Variants in PTOV1 observed in about 807,000 individuals in gnomAD.
PTOV1 encodes the protein PTOV1 extended AT-hook containing adaptor protein, also known as prostate tumor-overexpressed gene 1 protein.
Under a neutral mutation model 58.0 loss-of-function variants are expected in PTOV1, and 20 were observed. That is an observed-to-expected ratio of 0.34 (90% CI 0.24 to 0.50). The LOEUF (loss-of-function observed/expected upper bound fraction) is 0.50, where lower values mean the gene tolerates loss of function less well. PTOV1 is among the 20% of genes least tolerant of loss of function. The pLI, the probability that PTOV1 is intolerant of heterozygous loss-of-function variation, is 0.98. For synonymous variants in PTOV1, 335 were observed against 234.2 expected, an observed-to-expected ratio of 1.43 and a Z score of -3.93; for missense variants, 593 against 565.4, an observed-to-expected ratio of 1.05 and a Z score of -0.50.
chr19:49,850,771 T>C, upstream of PTOV1: 3 of 1,357,674 alleles, frequency 2.2e-6, no homozygotes, highest in Middle Eastern at 1.8e-4. Context: ...GTACCCTCAG[T>C]GGGTTCCCTT....
chr19:49,860,716 T>C, exon 12 of PTOV1: 1 of 319,826 alleles, frequency 3.1e-6, no homozygotes, highest in South Asian at 4.9e-5. Flanking sequence ...CCTCTACGTT[T>C]CCCCAATAAA....
intron 7 of PTOV1, 49 bp downstream of exon 7, chr19:49,857,831 CTG>C: frequency 6.2e-7 from 1 of 1,612,664 alleles, no homozygotes; most frequent in African/African-American, 1.3e-5. Context: ...TCCTCACGGA[CTG>C]TGGCTGGGAG....
At chr19:49,851,353 T>C in exon 1 of PTOV1, 7 of 1,090,024 alleles carry the variant, frequency 6.4e-6, no homozygotes, top group Non-Finnish European at 7.8e-6. Flanking sequence ...CCGTGCCCCG[T>C]ACCGCTCCGG....
intron 1 of PTOV1, 185 bp downstream of exon 1, chr19:49,851,684 T>G (rs951617669): frequency 6.9e-5 from 72 of 1,050,864 alleles, no homozygotes; most frequent in East Asian, 4.7e-4. Context: ...CTCTCCCCTT[T>G]GTTGCGCGTT....
chr19:49,853,413 T>C (rs1008424407), intron 1 of PTOV1, among the ~76,000 whole-genome samples: 1 of 151,018 alleles, frequency 6.6e-6, no homozygotes, highest in Admixed American at 6.6e-5. Context: ...CCCAGCACTT[T>C]GGGAGGCCGA....
At chr19:49,860,376 GCATGT>G in exon 12 of PTOV1, 39 of 521,212 alleles carry the variant, frequency 7.5e-5, no homozygotes, top group Non-Finnish European at 1.1e-4. Flanking sequence ...GGACCCTGGG[GCATGT>G]GGGGGGGGTG....
intron 1 of PTOV1, among the ~76,000 whole-genome samples, chr19:49,853,885 C>T (rs1479816877): frequency 1.3e-5 from 2 of 152,198 alleles, no homozygotes; most frequent in Non-Finnish European, 2.9e-5. Flanking sequence ...GAGGTGGGCA[C>T]TGGCCTGAGC....
chr19:49,859,807 A>G (rs1246951159), intron 10 of PTOV1, 179 bp from the exon 11 acceptor site: 2 of 653,788 alleles, frequency 3.1e-6, no homozygotes, highest in African/African-American at 1.8e-5. Context: ...TGGCCCACCC[A>G]TTGCTCTTGG....
chr19:49,856,631 G>A, intron 5 of PTOV1: 1 of 308,218 alleles, frequency 3.2e-6, no homozygotes, highest in Non-Finnish European at 6.2e-6. Context: ...AGAACGGTGG[G>A]GCGCTGCCTG....
intron 1 of PTOV1, chr19:49,851,756 C>T (rs1213344199): frequency 9.2e-7 from 1 of 1,089,864 alleles, no homozygotes; most frequent in Non-Finnish European, 1.1e-6. Context: ...GCTGACTCCG[C>T]GGCCCGATTT....
At chr19:49,854,424 G>C (rs759939370) in exon 2 of PTOV1, 2 of 1,611,016 alleles carry the variant, frequency 1.2e-6, no homozygotes, top group Non-Finnish European at 1.7e-6. Flanking sequence ...TCGGGTCTTC[G>C]GGGCACTGGG....
exon 11 of PTOV1, chr19:49,860,038 T>C (rs750460634): frequency 5.0e-6 from 8 of 1,614,098 alleles, no homozygotes; most frequent in South Asian, 2.2e-5. Context: ...CGCGTGCTTA[T>C]GCTCCTGTAC....
intron 9 of PTOV1, 97 bp downstream of exon 9, chr19:49,858,211 GC>G: frequency 6.9e-7 from 1 of 1,444,050 alleles, no homozygotes; most frequent in South Asian, 1.2e-5. Context: ...GCCTGAGCTG[GC>G]TGTGAGGGAG....
chr19:49,857,347 G>C (rs546652273), intron 6 of PTOV1: 14 of 675,902 alleles, frequency 2.1e-5, no homozygotes, highest in Non-Finnish European at 3.5e-5. Context: ...GTCTTGGCGC[G>C]GCGGCAGGGA....
chr19:49,852,117 T>A, intron 1 of PTOV1: 1 of 974,476 alleles, frequency 1.0e-6, no homozygotes, highest in Non-Finnish European at 1.2e-6. Context: ...GCACATGCTT[T>A]TCAGAAACCG....
intron 10 of PTOV1, 26 bp downstream of exon 10, chr19:49,858,679 G>C: frequency 6.4e-7 from 1 of 1,560,010 alleles, no homozygotes; most frequent in South Asian, 1.2e-5. Context: ...AGACGCAGGG[G>C]AGGGGCCGGC....
chr19:49,860,360 C>T (rs2059544063), exon 12 of PTOV1: 1 of 1,456,994 alleles, frequency 6.9e-7, no homozygotes, highest in Non-Finnish European at 9.3e-7. Flanking sequence ...CTGTCATGTA[C>T]AGGAGGGACC....
At chr19:49,860,325 C>T (rs766425753) in exon 12 of PTOV1, 1 of 1,605,436 alleles carries the variant, frequency 6.2e-7, no homozygotes. Flanking sequence ...GATGAGGCCC[C>T]CGCAGAGACT....
At chr19:49,850,909 CA>C (rs1568633107), upstream of PTOV1, 2 of 1,535,934 alleles carry the variant, frequency 1.3e-6, no homozygotes, top group Non-Finnish European at 1.7e-6. Context: ...CCGACCCCCG[CA>C]AGGGGCCAGC....
Sources: allele counts gnomAD v4.1 joint callset (sites outside exome capture counted in the v4.1 genomes callset), GRCh38; gene constraint gnomAD v4.1.1; transcripts MANE v1.5; gene names NCBI Gene and HGNC (gene_info 2026-07-23, HGNC 2026-07-21).